The following SPATA13 variants were observed in gnomAD, a reference collection of about 807,000 sequenced individuals.
The protein encoded by SPATA13 is spermatogenesis associated 13.
SPATA13 carries 50 observed loss-of-function variants against 104.0 expected under a neutral mutation model. That is an observed-to-expected ratio of 0.48 (90% CI 0.38 to 0.61). The LOEUF is 0.61. Among genes scored for constraint, SPATA13 ranks in the 20% least tolerant of loss-of-function variants. SPATA13 has a pLI of 0.00. For missense variants in SPATA13, 1,524 were observed against 1,690.6 expected (o/e 0.90, Z 1.73); for synonymous variants, 606 against 667.5 (o/e 0.91, Z 1.42).
intron 4 of SPATA13, among the ~76,000 whole-genome samples, chr13:24,280,172 G>A (rs9318450): frequency 6.6e-6 from 1 of 151,996 alleles, no homozygotes; most frequent in African/African-American, 2.4e-5. Flanking sequence ...CCACGACCCC[G>A]GGTAGAGCTG....
chr13:24,210,409 T>C (rs547444676), intron 1 of SPATA13, among the ~76,000 whole-genome samples: 21 of 152,340 alleles, frequency 1.4e-4, no homozygotes, highest in African/African-American at 4.8e-4. Flanking sequence ...TTCCAGGTCT[T>C]AAGTTTAAGT....
chr13:24,062,622 C>T (rs191230007), intron 3 of SPATA13, among the ~76,000 whole-genome samples: 18 of 152,228 alleles, frequency 1.2e-4, no homozygotes, highest in South Asian at 2.1e-4. Context: ...TTATAGAAGT[C>T]GGGCTTCGGT....
Position 24,223,132 on chromosome 13 carries a change from G to T in SPATA13, c.203G>T (p.Ser68Ile). Reference sequence around the variant, plus strand: ...ACGGACACCCAGGAAGCCAAACTCAGCCCAGCCAAGCTTGTGCGCCTCTTT... The same window carrying T: ...ACGGACACCCAGGAAGCCAAACTCATCCCAGCCAAGCTTGTGCGCCTCTTT... ...GDTDTQEAKL[S>I]PAKLVRLFST... is the part of the protein sequence containing the mutation. Residue 68 changes from serine (S) to isoleucine (I), a missense_variant, in exon 2 of 13, where the codon AGC becomes ATC. Physicochemically the swap from Ser to Ile is moderately radical, Grantham distance 142. Transcript: ENST00000382108. The T allele has an allele frequency of 6.4e-7, 1 of 1,551,714 alleles. No individual in the cohort carries two copies. Among genetic ancestry groups the T allele is most frequent in the Non-Finnish European group, 8.7e-7 (1 of 1,147,012 alleles).
chr13:24,071,992 T>TTAAAGGGTCCAGTTCTTTCCTGG, intron 3 of SPATA13, among the ~76,000 whole-genome samples: 1 of 152,310 alleles, frequency 6.6e-6, no homozygotes, highest in East Asian at 1.9e-4. Flanking sequence ...AACATGTGCT[T>TTAAAGGGTCCAGTTCTTTCCTGG]GCTGTATTAA....
intron 1 of SPATA13, among the ~76,000 whole-genome samples, chr13:24,214,993 C>T (rs1871202153): frequency 6.6e-6 from 1 of 152,154 alleles, no homozygotes; most frequent in Admixed American, 6.5e-5. Flanking sequence ...GAGCCATGTC[C>T]CTGGGATATT....
chr13:24,143,379 C>A (rs1018713275), intron 3 of SPATA13, among the ~76,000 whole-genome samples: 16 of 152,244 alleles, frequency 1.1e-4, no homozygotes, highest in African/African-American at 3.9e-4. Flanking sequence ...CTAAGTAGTA[C>A]CTGGAGCAGG....
intron 3 of SPATA13, among the ~76,000 whole-genome samples, chr13:24,099,824 A>G (rs1364315814): frequency 6.6e-6 from 1 of 152,250 alleles, no homozygotes; most frequent in Non-Finnish European, 1.5e-5. Context: ...GATAAGGAGG[A>G]TGCAGCTTCA....
At chr13:24,008,374 G>A (rs191860530) in intron 2 of SPATA13, among the ~76,000 whole-genome samples, 15 of 152,186 alleles carry the variant, frequency 9.9e-5, no homozygotes, top group African/African-American at 3.6e-4. Flanking sequence ...AGCTGGAATG[G>A]CCAGGCCCTG....
In SPATA13 at chr13:24,140,205, G is replaced by A. The variant is rs1195150877; in HGVS notation, c.-111-82614G>A. Among the ~76,000 whole-genome samples the A allele has an allele frequency of 1.2e-4, 19 of 152,132 alleles. No individual in the cohort carries two copies. In the East Asian group the frequency reaches 3.7e-3, roughly 29 times the overall value. On this transcript the variant is annotated intron_variant, in intron 3 of 14. Coordinates refer to the SPATA13 transcript ENST00000424834. ...GGGGTACACAGTTCTTCCATGTTGT[G>A]TTTATAAATGCAAGCCTAGTCGTTT...
At chr13:24,022,251 G>T (rs541266887) in intron 3 of SPATA13, among the ~76,000 whole-genome samples, 99 of 149,222 alleles carry the variant, frequency 6.6e-4, no homozygotes, top group Non-Finnish European at 1.2e-3. Context: ...GGCCAGGCTG[G>T]TCTCGAACTC....
intron 3 of SPATA13, chr13:24,122,171 G>A: frequency 1.3e-6 from 2 of 1,585,638 alleles, no homozygotes; most frequent in Non-Finnish European, 8.7e-7. Context: ...TTCATGGGCT[G>A]CTCTTCTTTG....
intron 1 of SPATA13, among the ~76,000 whole-genome samples, chr13:24,219,003 C>CAAAAAA (rs35494448): frequency 1.8e-5 from 2 of 110,522 alleles, no homozygotes; most frequent in African/African-American, 3.3e-5. Context: ...TCATTATCAC[C>CAAAAAA]AAAAAAAAAA....
At chr13:24,251,423 C>T in intron 3 of SPATA13, 1 of 960,398 alleles carries the variant, frequency 1.0e-6, no homozygotes, top group East Asian at 1.2e-4. Flanking sequence ...CCTAAATGTG[C>T]CTTCATCTTC....
chr13:24,282,040 G>T (rs1185359735), intron 4 of SPATA13, among the ~76,000 whole-genome samples: 1 of 152,082 alleles, frequency 6.6e-6, no homozygotes, highest in East Asian at 1.9e-4. Flanking sequence ...GTTTATCATT[G>T]TTCTAGTGCC....
In SPATA13 at chr13:24,037,190, T is replaced by C. The variant is rs1482242066; in HGVS notation, c.-112+19489T>C. On this transcript the variant is annotated intron_variant, in intron 3 of 14. Coordinates refer to the SPATA13 transcript ENST00000424834. ...GACACAGGAAGGGGAACATCACACA[T>C]CGGGGCCTGTCATAGGGTGGGGGGA... is the stretch of plus-strand genomic sequence containing the variant. Among the ~76,000 whole-genome samples, 22 of 118,958 alleles carry C rather than the reference T, an allele frequency of 1.8e-4. No individual in the cohort carries two copies. The South Asian group carries it at 4.4e-3, about 24-fold the overall frequency. The allele number at this position is 118,958 out of a possible 152,430, so 78.0% of individuals were successfully genotyped here.
intron 3 of SPATA13, among the ~76,000 whole-genome samples, chr13:24,113,044 C>G (rs915348843): frequency 1.3e-5 from 2 of 152,182 alleles, no homozygotes; most frequent in African/African-American, 4.8e-5. Context: ...CATAGCCTCC[C>G]CCAGAAACTA....
chr13:24,306,911 T>C lies in SPATA13; in HGVS notation c.*4138T>C, dbSNP rs1282562157. Reference sequence around the variant, plus strand: ...ACTTCTGAACTGAGGAATTTGCTGTTGACAGCCAAAGTATAGTGTACAAGA... The same window carrying C: ...ACTTCTGAACTGAGGAATTTGCTGTCGACAGCCAAAGTATAGTGTACAAGA... On this transcript the variant is annotated 3_prime_UTR_variant, in exon 13 of 13. Coordinates refer to ENST00000382108, the MANE Select transcript of SPATA13 (RefSeq NM_001166271.3). 1 of 152,246 alleles carries C rather than the reference T, an allele frequency of 6.6e-6. No homozygotes were observed. The highest frequency in any genetic ancestry group is 1.5e-5 in the Non-Finnish European group (1 of 68,046). 9.4% of individuals were successfully genotyped at this position (152,246 alleles called of 1,614,324 possible). A position where few individuals can be genotyped will look rare whatever the true frequency, so the allele number is the denominator to read the frequency against.
intron 3 of SPATA13, among the ~76,000 whole-genome samples, chr13:24,132,805 T>A (rs750358619): frequency 1.3e-5 from 2 of 151,960 alleles, no homozygotes; most frequent in African/African-American, 4.8e-5. Flanking sequence ...GAAACCCCAT[T>A]TCTACTAAAA....
At chr13:24,078,459 G>A (rs1879403368) in intron 3 of SPATA13, among the ~76,000 whole-genome samples, 1 of 152,146 alleles carries the variant, frequency 6.6e-6, no homozygotes, top group Admixed American at 6.5e-5. Flanking sequence ...GAGAAAACAG[G>A]CCTGGGGCAC....
Sources: gnomAD v4.1 joint callset for allele counts (sites outside exome capture counted in the v4.1 genomes callset) on GRCh38, gnomAD v4.1.1 for gene constraint, MANE v1.5 for transcripts, NCBI Gene and HGNC (gene_info 2026-07-23, HGNC 2026-07-21) for gene names.